Variants in ABCC1 observed in about 807,000 individuals in gnomAD.
ABCC1 encodes ATP binding cassette subfamily C member 1 (ABCC1 blood group).
Under a neutral mutation model 172.9 loss-of-function variants are expected in ABCC1, and 83 were observed. The ratio of observed to expected loss-of-function variants is 0.48; its 90% CI spans 0.40 to 0.58. ABCC1 has a LOEUF of 0.58. ABCC1 is among the 20% of genes least tolerant of loss of function. The pLI is 0.00. For missense variants in ABCC1, 1,817 were observed against 2,002.7 expected, an observed-to-expected ratio of 0.91 and a Z score of 1.77; for synonymous variants, 937 against 825.2, an observed-to-expected ratio of 1.14 and a Z score of -2.32.
At chr16:16,039,266 CTTTTTTTTTTTT>C (rs1202497870) in intron 7 of ABCC1, among the ~76,000 whole-genome samples, 1 of 87,770 alleles carries the variant, frequency 1.1e-5, no homozygotes, top group Non-Finnish European at 2.1e-5. Context: ...TGTGTGTTTT[CTTTTTTTTTTTT>C]TTTTTTTGAG....
rs551330404 is a variant in ABCC1 at position 16,087,750 on chromosome 16, C to T, written c.2460+759C>T. On this transcript the variant is annotated intron_variant, in intron 18 of 30. Coordinates refer to ENST00000399410, the MANE Select transcript of ABCC1 (RefSeq NM_004996.4). ...CTGGGATTACAGGCGTGAGCCACCA[C>T]ACCCGGCTGTTTCTGCTGATTTTAA... Among the ~76,000 whole-genome samples the T allele has an allele frequency of 6.6e-5, 10 of 152,334 alleles. No homozygotes were observed. The East Asian group carries it at 1.5e-3, about 23-fold the overall frequency.
At chr16:16,117,578 G>A (rs1448356044) in intron 23 of ABCC1, among the ~76,000 whole-genome samples, 1 of 152,216 alleles carries the variant, frequency 6.6e-6, no homozygotes, top group Non-Finnish European at 1.5e-5. Context: ...AAAGTGCCGT[G>A]TTTTAGCTGG....
At chr16:16,111,230 T>C (rs1202297353) in intron 21 of ABCC1, 145 bp from the exon 22 acceptor site, 5 of 679,564 alleles carry the variant, frequency 7.4e-6, no homozygotes, top group African/African-American at 5.3e-5. Flanking sequence ...CTTTGTTGAA[T>C]AGCTAAAGGG....
chr16:16,110,003 C>T (rs1368266038), intron 21 of ABCC1, among the ~76,000 whole-genome samples: 1 of 152,160 alleles, frequency 6.6e-6, no homozygotes, highest in Admixed American at 6.5e-5. Context: ...CCACCAGTGC[C>T]TTCTCTCAGT....
rs1040667634 is a variant in ABCC1 at position 16,016,641 on chromosome 16, AGTGTGTGTGCGT to A, written c.615+30_615+41del. ...GACCCTGTAAGTGTGACCACAGATGAGTGTGTGTGCGTGTGTGTGTGAGAGAGATGCGTGACA... is the reference window on the plus strand; with the variant it reads ...GACCCTGTAAGTGTGACCACAGATGAGTGTGTGTGAGAGAGATGCGTGACA... On this transcript the variant is annotated intron_variant, in intron 5 of 30. Coordinates refer to ENST00000399410, the MANE Select transcript of ABCC1 (RefSeq NM_004996.4). The A allele has an allele frequency of 6.2e-7, 1 of 1,613,884 alleles. No individual in the cohort carries two copies. The highest frequency in any genetic ancestry group is 1.3e-5 in the African/African-American group (1 of 74,996).
intron 27 of ABCC1, among the ~76,000 whole-genome samples, chr16:16,132,509 T>TG (rs757369339): frequency 0.035 from 2,977 of 85,298 alleles, 85 homozygotes; most frequent in Middle Eastern, 0.051. Flanking sequence ...TTTGGTTGGT[T>TG]GTTTTTTTTT....
At chr16:16,101,690 G>A (rs1040556140) in intron 19 of ABCC1, among the ~76,000 whole-genome samples, 9 of 152,246 alleles carry the variant, frequency 5.9e-5, no homozygotes, top group East Asian at 1.9e-4. Flanking sequence ...CAGTCAGTGC[G>A]GAGTGGGGGC....
At chr16:15,976,333 C>G (rs986734516) in intron 1 of ABCC1, among the ~76,000 whole-genome samples, 1 of 152,176 alleles carries the variant, frequency 6.6e-6, no homozygotes, top group Non-Finnish European at 1.5e-5. Flanking sequence ...TCCTAAGTGC[C>G]AGGGACTGTT....
chr16:16,080,789 G>A (rs902898707), intron 16 of ABCC1, among the ~76,000 whole-genome samples: 1 of 152,178 alleles, frequency 6.6e-6, no homozygotes, highest in Non-Finnish European at 1.5e-5. Flanking sequence ...GTACTTGTCC[G>A]CACCTCTTTA....
At chr16:15,976,787 A>T (rs1382639085) in intron 1 of ABCC1, among the ~76,000 whole-genome samples, 1 of 152,166 alleles carries the variant, frequency 6.6e-6, no homozygotes, top group African/African-American at 2.4e-5. Context: ...TCTTCCCAAC[A>T]TTGTGTGCAA....
chr16:16,052,825 T>C lies in ABCC1; in HGVS notation c.1473+9T>C, dbSNP rs537499399. 31 of 1,613,958 alleles carry C rather than the reference T, an allele frequency of 1.9e-5. No homozygotes were observed. Among genetic ancestry groups the C allele is most frequent in the Middle Eastern group, 3.3e-4 (2 of 6,084 alleles). On this transcript the variant is annotated intron_variant, in intron 11 of 30. Coordinates refer to ENST00000399410, the MANE Select transcript of ABCC1 (RefSeq NM_004996.4). ...AGACCAAGACGTATCAGGTAAGGCA[T>C]GTGTCTCTGCGGGCCCCCAAGCCGG...
chr16:16,110,492 C>T (rs1013715196), intron 21 of ABCC1, among the ~76,000 whole-genome samples: 3 of 152,050 alleles, frequency 2.0e-5, no homozygotes, highest in Non-Finnish European at 4.4e-5. Flanking sequence ...TGGGTTCAAG[C>T]CATTCTCTTG....
intron 1 of ABCC1, among the ~76,000 whole-genome samples, chr16:15,983,421 C>A (rs2046672796): frequency 6.6e-6 from 1 of 152,046 alleles, no homozygotes; most frequent in South Asian, 2.1e-4. Flanking sequence ...GAAGATATCC[C>A]CTGTCTGCGG....
At chr16:15,989,764 C>T (rs2046817558) in intron 1 of ABCC1, among the ~76,000 whole-genome samples, 1 of 152,310 alleles carries the variant, frequency 6.6e-6, no homozygotes, top group South Asian at 2.1e-4. Context: ...AAGTGGGAAT[C>T]ATTACAGTAC....
intron 30 of ABCC1, among the ~76,000 whole-genome samples, chr16:16,140,142 G>A (rs1010911302): frequency 1.3e-5 from 2 of 152,162 alleles, no homozygotes; most frequent in African/African-American, 4.8e-5. Context: ...AAATGAATGC[G>A]CTTAATGAAT....
In ABCC1 at chr16:16,044,991, A is replaced by T. The variant is rs553271945; in HGVS notation, c.1040+311A>T. On this transcript the variant is annotated intron_variant, in intron 8 of 30. Transcript: ENST00000399410. The stretch of plus-strand genomic sequence containing the variant: ...TTACTTAATTACCATATTAGTGAAG[A>T]CCACATCGTTTGCAAGTAACAGAAA... Among the ~76,000 whole-genome samples the T allele has an allele frequency of 2.0e-5, 3 of 152,258 alleles. No homozygotes were observed. In the South Asian group the frequency reaches 6.2e-4, roughly 32 times the overall value.
chr16:15,989,068 CAAAAAAAAAAAAAA>C (rs35441399), intron 1 of ABCC1, among the ~76,000 whole-genome samples: 1 of 76,682 alleles, frequency 1.3e-5, no homozygotes. Context: ...GACTCTGTCT[CAAAAAAAAAAAAAA>C]AAAAAAAAAA....
At chr16:16,133,465 G>T (rs1183481360) in intron 27 of ABCC1, among the ~76,000 whole-genome samples, 2 of 152,016 alleles carry the variant, frequency 1.3e-5, no homozygotes, top group African/African-American at 4.8e-5. Context: ...GTCCAGTGGT[G>T]CTATTTCGGC....
At chr16:16,087,016 G>A in intron 18 of ABCC1, 25 bp downstream of exon 18, 1 of 1,613,390 alleles carries the variant, frequency 6.2e-7, no homozygotes. Flanking sequence ...GGTGGGGCTT[G>A]GTGTTGGGCC....
Sources: gnomAD v4.1 joint callset for allele counts (sites outside exome capture counted in the v4.1 genomes callset) on GRCh38, gnomAD v4.1.1 for gene constraint, MANE v1.5 for transcripts, NCBI Gene and HGNC (gene_info 2026-07-23, HGNC 2026-07-21) for gene names.